Variants in ST18 observed in about 807,000 individuals in gnomAD.
ST18 encodes the protein ST18 C2H2C-type zinc finger transcription factor.
A neutral mutation model predicts 110.0 loss-of-function variants in ST18; 50 were observed. The observed-to-expected ratio is 0.45, with a 90% CI of 0.36 to 0.58. The LOEUF is 0.58. Among genes scored for constraint, ST18 ranks in the 20% least tolerant of loss-of-function variants. ST18 has a pLI of 0.00. For missense variants in ST18, 1,306 were observed against 1,280.1 expected (o/e 1.02, Z -0.31); for synonymous variants, 461 against 452.4 (o/e 1.02, Z -0.24).
chr8:52,115,821 C>A (rs139763576), intron 25 of ST18, among the ~76,000 whole-genome samples: 1 of 151,906 alleles, frequency 6.6e-6, no homozygotes, highest in African/African-American at 2.4e-5. Flanking sequence ...ATGAGGAGAA[C>A]TGAAGTACGT....
intron 2 of ST18, among the ~76,000 whole-genome samples, chr8:52,400,940 T>A (rs923429479): frequency 6.6e-6 from 1 of 152,164 alleles, no homozygotes; most frequent in Non-Finnish European, 1.5e-5. Context: ...TATGTTTTCA[T>A]GATAGTAATC....
chr8:52,201,631 T>C (rs76481165), intron 8 of ST18, among the ~76,000 whole-genome samples: 1 of 152,088 alleles, frequency 6.6e-6, no homozygotes, highest in Non-Finnish European at 1.5e-5. Context: ...ACAAAAAAAC[T>C]GCTGTTCAGA....
chr8:52,117,582 C>T (rs892701830), intron 24 of ST18, among the ~76,000 whole-genome samples: 1 of 152,152 alleles, frequency 6.6e-6, no homozygotes, highest in Non-Finnish European at 1.5e-5. Context: ...ATGATGGCAA[C>T]AATGGTCACT....
In ST18 at chr8:52,148,361, C is replaced by T. The variant is rs1039376893; in HGVS notation, c.2052+1371G>A. On this transcript the variant is annotated intron_variant, in intron 16 of 25. Transcript: ENST00000689386. ...GCTGCAGTGTGTGAATCCCCTCATC[C>T]TTCCATGTGATGGCTTGAGTGGTGG... Among the ~76,000 whole-genome samples the T allele has an allele frequency of 2.6e-5, 4 of 152,144 alleles. No homozygotes were observed. In the South Asian group the frequency reaches 8.3e-4, roughly 32 times the overall value.
At chr8:52,335,508 A>C (rs1811619073) in intron 2 of ST18, among the ~76,000 whole-genome samples, 1 of 152,246 alleles carries the variant, frequency 6.6e-6, no homozygotes, top group Non-Finnish European at 1.5e-5. Flanking sequence ...TGGGGATAAG[A>C]CACAAATCAA....
rs561235991 is a variant in ST18, at chr8:52,166,578, G to A, written c.1204+274C>T. 3.9e-4 allele frequency among the ~76,000 whole-genome samples: 59 copies of A among 152,318 alleles called. 1 individual carries two copies. Among genetic ancestry groups the A allele is most frequent in the Admixed American group, 5.2e-4 (8 of 15,298 alleles). ...TGAACTCCCTGGTGCTTTCCTGTGT[G>A]GCCCTCTGTGCTGTGGCCTGGCCCT... On this transcript the variant is annotated intron_variant, in intron 11 of 25. Coordinates refer to ENST00000689386, the MANE Select transcript of ST18 (RefSeq NM_001352837.2).
intron 8 of ST18, among the ~76,000 whole-genome samples, chr8:52,209,867 C>T (rs1028563800): frequency 5.4e-5 from 8 of 149,286 alleles, no homozygotes; most frequent in East Asian, 2.0e-4. Context: ...ATTTCTATTT[C>T]TCCACATAGA....
In ST18 at chr8:52,347,669, A is replaced by C. The variant is rs1294498366; in HGVS notation, c.-465+61659T>G. Among the ~76,000 whole-genome samples, 4 of 152,322 alleles carry C rather than the reference A, an allele frequency of 2.6e-5. No individual in the cohort carries two copies. The East Asian group carries it at 7.7e-4, about 29-fold the overall frequency. ...TTAGCCATTAATGACTACTTACTGTATCCCAGGCACTATTCTAGGAAGTTT... is the reference window on the plus strand; with the variant it reads ...TTAGCCATTAATGACTACTTACTGTCTCCCAGGCACTATTCTAGGAAGTTT... On this transcript the variant is annotated intron_variant, in intron 2 of 25. Transcript: ENST00000689386.
chr8:52,380,164 T>C (rs59284277), intron 2 of ST18, among the ~76,000 whole-genome samples: 2,331 of 152,280 alleles, frequency 0.015, 61 homozygotes, highest in African/African-American at 0.054. Flanking sequence ...TTGTTTGATA[T>C]GGACAGTAAA....
chr8:52,287,011 T>A lies in ST18; in HGVS notation c.-464-56934A>T, dbSNP rs143402882. ...GAAAATAAAAAAAACTGAGCAAAAA[T>A]CTACAATATCCAAGGCTGAAACAGG... On this transcript the variant is annotated intron_variant, in intron 2 of 25. Transcript: ENST00000689386. 4.1e-3 allele frequency among the ~76,000 whole-genome samples: 630 copies of A among 152,144 alleles called. 3 individuals are homozygous for A. The highest frequency in any genetic ancestry group is 0.015 in the African/African-American group (604 of 41,498).
intron 2 of ST18, among the ~76,000 whole-genome samples, chr8:52,384,534 T>C (rs1184703827): frequency 2.0e-5 from 3 of 152,062 alleles, no homozygotes; most frequent in East Asian, 1.9e-4. Context: ...TATTCTGTCA[T>C]GCACACACTC....
chr8:52,310,046 T>C (rs564779688), intron 2 of ST18, among the ~76,000 whole-genome samples: 17 of 152,318 alleles, frequency 1.1e-4, no homozygotes, highest in African/African-American at 4.1e-4. Context: ...GTTTAGTCAT[T>C]CAAATCCTCA....
At chr8:52,343,632 G>C (rs1029956256) in intron 2 of ST18, among the ~76,000 whole-genome samples, 5 of 152,138 alleles carry the variant, frequency 3.3e-5, no homozygotes, top group Non-Finnish European at 7.3e-5. Flanking sequence ...AGAGTCACTT[G>C]TAAGTGAATT....
intron 2 of ST18, among the ~76,000 whole-genome samples, chr8:52,397,113 G>T (rs1042142197): frequency 6.6e-6 from 1 of 152,114 alleles, no homozygotes; most frequent in South Asian, 2.1e-4. Flanking sequence ...GTGTACTGTG[G>T]TTCCCTTTTC....
At chr8:52,243,337 A>G (rs2093593657) in intron 2 of ST18, among the ~76,000 whole-genome samples, 1 of 152,192 alleles carries the variant, frequency 6.6e-6, no homozygotes, top group South Asian at 2.1e-4. Context: ...GAAAAATAAA[A>G]CAACTTGTCA....
intron 2 of ST18, among the ~76,000 whole-genome samples, chr8:52,235,691 C>A (rs1348434424): frequency 6.6e-6 from 1 of 152,050 alleles, no homozygotes; most frequent in Admixed American, 6.5e-5. Flanking sequence ...TATCTGAAAA[C>A]TAGTGAAGTA....
At chr8:52,340,340 G>A (rs1034910438) in intron 2 of ST18, among the ~76,000 whole-genome samples, 14 of 152,214 alleles carry the variant, frequency 9.2e-5, no homozygotes, top group Admixed American at 9.2e-4. Context: ...TACGTTTTAT[G>A]TGCCCTGAAG....
intron 16 of ST18, among the ~76,000 whole-genome samples, chr8:52,147,274 TGATTTTTTGAAATTAAG>T (rs2057575915): frequency 1.3e-5 from 2 of 152,190 alleles, no homozygotes; most frequent in Admixed American, 1.3e-4. Context: ...TGAATCCAGA[TGATTTTTTGAAATTAAG>T]CAAAAAACAA....
At chr8:52,301,650 A>T (rs1293559339) in intron 2 of ST18, among the ~76,000 whole-genome samples, 1 of 152,248 alleles carries the variant, frequency 6.6e-6, no homozygotes, top group Admixed American at 6.5e-5. Context: ...GTAAGAAAAG[A>T]TAAATTATTG....
Sources: allele counts gnomAD v4.1 joint callset (sites outside exome capture counted in the v4.1 genomes callset), GRCh38; gene constraint gnomAD v4.1.1; transcripts MANE v1.5; gene names NCBI Gene and HGNC (gene_info 2026-07-23, HGNC 2026-07-21).